Variants in HECTD2 observed in about 807,000 individuals in gnomAD.
The protein encoded by HECTD2 is probable E3 ubiquitin-protein ligase HECTD2.
A neutral mutation model predicts 103.2 loss-of-function variants in HECTD2; 35 were observed. The observed-to-expected ratio is 0.34, with a 90% CI of 0.26 to 0.45. HECTD2 has a LOEUF of 0.45. Among genes scored for constraint, HECTD2 ranks in the 20% least tolerant of loss-of-function variants. The pLI, the probability that HECTD2 is intolerant of heterozygous loss-of-function variation, is 1.00. For synonymous variants in HECTD2, 281 were observed against 329.9 expected (o/e 0.85, Z 1.61); for missense variants, 596 against 937.4 (o/e 0.64, Z 4.76).
chr10:91,465,401 G>A (rs891822579), intron 5 of HECTD2, among the ~76,000 whole-genome samples: 1 of 152,028 alleles, frequency 6.6e-6, no homozygotes, highest in Non-Finnish European at 1.5e-5. Context: ...ACTATACTGA[G>A]CACTTCACTA....
At position 91,498,096 on chromosome 10, in the gene HECTD2, T is replaced by A. The variant is rs776909830; in HGVS notation, c.1681-12T>A. The stretch of plus-strand genomic sequence containing the variant: ...TCTATTGAAAAAATCATTAACAGAT[T>A]TCTTTTTATAGGAGTTGGCCCATGG... On this transcript the variant is annotated splice_polypyrimidine_tract_variant and intron_variant, in intron 15 of 20. Transcript: ENST00000298068. 1 of 1,589,756 alleles carries A rather than the reference T, an allele frequency of 6.3e-7. No homozygotes were observed. The highest frequency in any genetic ancestry group is 8.6e-7 in the Non-Finnish European group (1 of 1,158,168).
chr10:91,433,855 T>C (rs778633454), intron 2 of HECTD2, among the ~76,000 whole-genome samples: 1 of 151,926 alleles, frequency 6.6e-6, no homozygotes, highest in Non-Finnish European at 1.5e-5. Context: ...GGGAGGCACT[T>C]TTTCTGGGTT....
At chr10:91,491,837 T>G (rs1413204620) in intron 12 of HECTD2, among the ~76,000 whole-genome samples, 3 of 152,102 alleles carry the variant, frequency 2.0e-5, no homozygotes, top group Non-Finnish European at 2.9e-5. Flanking sequence ...CTATGTGATT[T>G]ATTTATTTAT....
At chr10:91,432,599 C>G (rs905766762) in intron 2 of HECTD2, among the ~76,000 whole-genome samples, 1 of 151,754 alleles carries the variant, frequency 6.6e-6, no homozygotes, top group Non-Finnish European at 1.5e-5. Context: ...CCCTTTCACA[C>G]TTAATTGAAA....
chr10:91,453,739 A>G (rs1413272210), intron 2 of HECTD2, among the ~76,000 whole-genome samples: 3 of 152,114 alleles, frequency 2.0e-5, no homozygotes, highest in Non-Finnish European at 2.9e-5. Context: ...AATAAAAGAT[A>G]TTGTCAGAGT....
intron 6 of HECTD2, among the ~76,000 whole-genome samples, chr10:91,480,164 A>G (rs2133273977): frequency 6.6e-6 from 1 of 152,232 alleles, no homozygotes. Context: ...TGCTTCCTGA[A>G]TATTATAGTA....
At chr10:91,437,106 T>C (rs1844152081) in intron 2 of HECTD2, among the ~76,000 whole-genome samples, 1 of 152,174 alleles carries the variant, frequency 6.6e-6, no homozygotes, top group Non-Finnish European at 1.5e-5. Context: ...GAATATATAA[T>C]AATAAACCTC....
chr10:91,460,027 A>G (rs1191558076), intron 2 of HECTD2, among the ~76,000 whole-genome samples: 1 of 152,162 alleles, frequency 6.6e-6, no homozygotes, highest in Non-Finnish European at 1.5e-5. Flanking sequence ...TGTCTCCATC[A>G]TTAAGCAATG....
chr10:91,455,405 T>A (rs555157659), intron 2 of HECTD2, among the ~76,000 whole-genome samples: 18 of 152,296 alleles, frequency 1.2e-4, no homozygotes, highest in African/African-American at 4.3e-4. Context: ...CTTCACCCAC[T>A]TGTTGATGGG....
chr10:91,437,741 A>G (rs191517934), intron 2 of HECTD2, among the ~76,000 whole-genome samples: 4 of 151,468 alleles, frequency 2.6e-5, no homozygotes, highest in East Asian at 3.9e-4. Context: ...TGACATATAC[A>G]TTGTAAGTTT....
At chr10:91,416,750 ACTTTC>A (rs1189518420) in intron 1 of HECTD2, among the ~76,000 whole-genome samples, 1 of 152,114 alleles carries the variant, frequency 6.6e-6, no homozygotes, top group Non-Finnish European at 1.5e-5. Flanking sequence ...TGGATTTGGT[ACTTTC>A]CTTAACAGCC....
chr10:91,471,732 A>G (rs1328406512), intron 5 of HECTD2, among the ~76,000 whole-genome samples: 1 of 152,204 alleles, frequency 6.6e-6, no homozygotes, highest in East Asian at 1.9e-4. Context: ...AGAATAAAAT[A>G]CCTGTGAGTA....
chr10:91,416,019 G>A (rs11186562), intron 1 of HECTD2, among the ~76,000 whole-genome samples: 2 of 84,046 alleles, frequency 2.4e-5, no homozygotes, highest in Non-Finnish European at 3.8e-5. Context: ...CCACAAAGCC[G>A]TAAAGTCTCT....
At chr10:91,433,312 T>C (rs1281120864) in intron 2 of HECTD2, among the ~76,000 whole-genome samples, 1 of 152,034 alleles carries the variant, frequency 6.6e-6, no homozygotes, top group Non-Finnish European at 1.5e-5. Flanking sequence ...TTCAGACATC[T>C]CACTTTCACT....
intron 20 of HECTD2, among the ~76,000 whole-genome samples, chr10:91,504,329 G>C (rs1397813543): frequency 2.6e-5 from 4 of 152,158 alleles, no homozygotes; most frequent in Admixed American, 6.5e-5. Context: ...AAATTACTCT[G>C]AGCTACGGGA....
At chr10:91,450,217 G>A (rs1230896306) in intron 2 of HECTD2, among the ~76,000 whole-genome samples, 1 of 152,024 alleles carries the variant, frequency 6.6e-6, no homozygotes, top group Non-Finnish European at 1.5e-5. Flanking sequence ...CAGAAATAAT[G>A]CCACACATCT....
At chr10:91,445,701 G>A (rs909517919) in intron 2 of HECTD2, among the ~76,000 whole-genome samples, 2 of 152,088 alleles carry the variant, frequency 1.3e-5, no homozygotes, top group Non-Finnish European at 2.9e-5. Flanking sequence ...ATCTCACTGG[G>A]ACTGGTTAGA....
intron 2 of HECTD2, among the ~76,000 whole-genome samples, chr10:91,431,526 G>A (rs975454766): frequency 2.0e-5 from 3 of 152,048 alleles, no homozygotes; most frequent in African/African-American, 7.2e-5. Context: ...CCAATCAGAC[G>A]CAGATTTGGT....
intron 2 of HECTD2, among the ~76,000 whole-genome samples, chr10:91,435,816 TCTC>T (rs1342213653): frequency 6.6e-6 from 1 of 152,034 alleles, no homozygotes; most frequent in East Asian, 1.9e-4. Flanking sequence ...GATGATTTTC[TCTC>T]CTCTGTATTT....
Sources: gnomAD v4.1 joint callset for allele counts (sites outside exome capture counted in the v4.1 genomes callset) on GRCh38, gnomAD v4.1.1 for gene constraint, MANE v1.5 for transcripts, NCBI Gene and HGNC (gene_info 2026-07-23, HGNC 2026-07-21) for gene names.